The following TCN1 variants were observed in gnomAD, a reference collection of about 807,000 sequenced individuals.
The protein encoded by TCN1 is transcobalamin 1.
In TCN1, 47 loss-of-function variants were observed where a neutral mutation model predicts 46.3. That is an observed-to-expected ratio of 1.01 (90% CI 0.80 to 1.29). TCN1 has a LOEUF of 1.29. Ranked by LOEUF, TCN1 falls within the 50% of genes most tolerant of loss-of-function variation. The pLI is 0.00. For synonymous variants in TCN1, 183 were observed against 192.5 expected (o/e 0.95, Z 0.41); for missense variants, 532 against 511.0 (o/e 1.04, Z -0.40).
Position 59,863,864 on chromosome 11 carries a change from G to A in TCN1, c.259+43C>T, listed in dbSNP as rs759565417. ...ATTAGTTGCAGATAATCTTTAAATA[G>A]GTAGATTTTTTTCTAAATCTTCCAG... On this transcript the variant is annotated intron_variant, in intron 2 of 8. Coordinates refer to ENST00000257264, the MANE Select transcript of TCN1 (RefSeq NM_001062.4). 1.9e-6 allele frequency: 3 copies of A among 1,607,286 alleles called. No homozygotes were observed. The East Asian group carries it at 6.7e-5, about 36-fold the overall frequency.
At chr11:59,854,122 T>G (rs1407652935) in intron 7 of TCN1, among the ~76,000 whole-genome samples, 1 of 151,432 alleles carries the variant, frequency 6.6e-6, no homozygotes, top group Non-Finnish European at 1.5e-5. Context: ...AATTTGGCAG[T>G]GGCTCATGCC....
Position 59,866,467 on chromosome 11 carries a change from T to C in TCN1, c.4A>G (p.Arg2Gly). The C allele has an allele frequency of 2.5e-6, 4 of 1,613,390 alleles. No homozygotes were observed. Among genetic ancestry groups the C allele is most frequent in the Non-Finnish European group, 3.4e-6 (4 of 1,179,414 alleles). ...ACTAGGGGCAGCTGGTGTGACTGTC[T>C]CATCTCTCCAACAGTGTACCAGAAT... The part of the protein sequence containing the change: M[R>G]QSHQLPLVGL... The change falls in exon 1 of 9, where the codon AGA (arginine) becomes GGA (glycine). Residue 2 changes from arginine (R) to glycine (G), a missense_variant. Transcript: ENST00000257264.
At position 59,859,266 on chromosome 11, in the gene TCN1, A is replaced by G. The variant is rs1365978314; in HGVS notation, c.558T>C (p.Asp186=). Reference sequence around the variant, plus strand: ...GAGCCAGGACAGCCATTGCACCAGTATCTGTCAGGAAACAAAACATTGTTG... The same window carrying G: ...GAGCCAGGACAGCCATTGCACCAGTGTCTGTCAGGAAACAAAACATTGTTG... The part of the protein sequence containing the change: ...NYYFGSQFSV[D]TGAMAVLALT... Residue 186 remains aspartate, a splice_region_variant and synonymous_variant, in exon 5 of 9, where the codon GAT becomes GAC. Coordinates refer to ENST00000257264, the MANE Select transcript of TCN1 (RefSeq NM_001062.4). 2 of 1,613,276 alleles carry G rather than the reference A, an allele frequency of 1.2e-6. No homozygotes were observed. The highest frequency in any genetic ancestry group is 1.3e-5 in the African/African-American group (1 of 74,926).
chr11:59,859,401 G>T (rs1852994061), intron 4 of TCN1, 134 bp from the exon 5 acceptor site: 2 of 887,380 alleles, frequency 2.3e-6, no homozygotes, highest in Non-Finnish European at 3.7e-6. Flanking sequence ...GGTTGGTCAT[G>T]CTAATTGGTG....
intron 2 of TCN1, 104 bp downstream of exon 2, chr11:59,863,803 T>A: frequency 7.9e-7 from 1 of 1,272,728 alleles, no homozygotes; most frequent in Non-Finnish European, 1.1e-6. Flanking sequence ...TTAGAAGGGA[T>A]GTAGCAGGGA....
At chr11:59,861,823 A>G in intron 3 of TCN1, 141 bp from the exon 4 acceptor site, 1 of 957,752 alleles carries the variant, frequency 1.0e-6, no homozygotes, top group South Asian at 1.5e-5. Context: ...CACCCATAGA[A>G]TCAGAAAACC....
rs560651298 is a variant in TCN1 at position 59,865,294 on chromosome 11, C to G, written c.79+1098G>C. Among the ~76,000 whole-genome samples, 7 of 152,222 alleles carry G rather than the reference C, an allele frequency of 4.6e-5. No homozygotes were observed. In the South Asian group the frequency reaches 1.5e-3, roughly 32 times the overall value. On this transcript the variant is annotated intron_variant, in intron 1 of 8. Coordinates refer to ENST00000257264, the MANE Select transcript of TCN1 (RefSeq NM_001062.4). ...CCATCCAGCTCAGCAGATTTTCTGG[C>G]CCTGAAACAGACTTTTTAGTTCCTG...
chr11:59,866,237 C>T (rs1318545163), intron 1 of TCN1, among the ~76,000 whole-genome samples, 155 bp downstream of exon 1: 1 of 152,156 alleles, frequency 6.6e-6, no homozygotes, highest in African/African-American at 2.4e-5. Context: ...AGACTTTCCT[C>T]ACCATCTCCT....
At chr11:59,856,863 A>G (rs936223711) in intron 5 of TCN1, among the ~76,000 whole-genome samples, 2 of 152,190 alleles carry the variant, frequency 1.3e-5, no homozygotes, top group African/African-American at 4.8e-5. Flanking sequence ...CATTAAACAG[A>G]AACTCTCCTG....
At chr11:59,864,477 A>C (rs1265154599) in intron 1 of TCN1, among the ~76,000 whole-genome samples, 1 of 152,188 alleles carries the variant, frequency 6.6e-6, no homozygotes, top group Non-Finnish European at 1.5e-5. Context: ...CTCAGTAAGC[A>C]GGACTTTCTA....
chr11:59,863,399 T>C (rs955766682), intron 2 of TCN1, among the ~76,000 whole-genome samples: 1 of 152,122 alleles, frequency 6.6e-6, no homozygotes, highest in Non-Finnish European at 1.5e-5. Context: ...ATGTTCTGCC[T>C]TTTAGAGTAT....
intron 7 of TCN1, among the ~76,000 whole-genome samples, chr11:59,854,095 C>T (rs1219153337): frequency 6.6e-6 from 1 of 151,234 alleles, no homozygotes; most frequent in Non-Finnish European, 1.5e-5. Context: ...TCTGTGAAAC[C>T]CTCAGTTGAA....
rs758997482 is a variant in TCN1 at position 59,853,251 on chromosome 11, C to T, written c.1192G>A (p.Asp398Asn). Residue 398 changes from aspartate to asparagine, a missense_variant, in exon 8 of 9, where the codon GAC becomes AAC. Physicochemically the swap from Asp to Asn is conservative, Grantham distance 23. Coordinates refer to ENST00000257264, the MANE Select transcript of TCN1 (RefSeq NM_001062.4). Reference sequence around the variant, plus strand: ...CTCAGAAGTTCCCAGTAGGTTCTGTCATTATTGTTGGCACATAGGCCCTGA... The same window carrying T: ...CTCAGAAGTTCCCAGTAGGTTCTGTTATTATTGTTGGCACATAGGCCCTGA... ...CIQGLCANNNDRTYWELLSGG... is the reference protein window; with the variant it reads ...CIQGLCANNNNRTYWELLSGG... 2 of 1,614,128 alleles carry T rather than the reference C, an allele frequency of 1.2e-6. No individual in the cohort carries two copies. The highest frequency in any genetic ancestry group is 1.7e-5 in the Admixed American group (1 of 60,006).
Position 59,855,894 on chromosome 11 carries a change from TTTG to T in TCN1, c.909_911del (p.Asn303del), listed in dbSNP as rs773952229. On this transcript the variant is annotated inframe_deletion, in exon 6 of 9. Transcript: ENST00000257264. ...CTGAAGCAGAGACGCAAGAAGAGTCTTTGTTAATATCCAAGAAGGTCTTTCCCA... is the reference window on the plus strand; with the variant it reads ...CTGAAGCAGAGACGCAAGAAGAGTCTTTAATATCCAAGAAGGTCTTTCCCA... The T allele has an allele frequency of 7.4e-6, 12 of 1,613,766 alleles. No individual in the cohort carries two copies. The highest frequency in any genetic ancestry group is 1.0e-5 in the Non-Finnish European group (12 of 1,179,782).
chr11:59,855,724 CA>C (rs1852923584), intron 6 of TCN1, 144 bp downstream of exon 6: 1 of 877,880 alleles, frequency 1.1e-6, no homozygotes, highest in African/African-American at 1.6e-5. Flanking sequence ...ACCCTGGTAA[CA>C]TGAGGAAAAC....
intron 8 of TCN1, 72 bp from the exon 9 acceptor site, chr11:59,853,108 T>C: frequency 1.9e-6 from 3 of 1,598,528 alleles, no homozygotes; most frequent in South Asian, 2.2e-5. Flanking sequence ...GGATGTCATC[T>C]CTACTAACCC....
intron 5 of TCN1, among the ~76,000 whole-genome samples, chr11:59,858,389 G>A (rs1015565689): frequency 6.6e-6 from 1 of 152,214 alleles, no homozygotes; most frequent in African/African-American, 2.4e-5. Flanking sequence ...GACCTTGGGT[G>A]ACTGAAACTG....
Position 59,856,033 on chromosome 11 carries a change from T to C in TCN1, c.773A>G (p.Tyr258Cys). 2 of 1,389,838 alleles carry C rather than the reference T, an allele frequency of 1.4e-6. No homozygotes were observed. The highest frequency in any genetic ancestry group is 1.9e-6 in the Non-Finnish European group (2 of 1,051,304). 86.1% of individuals were successfully genotyped at this position (1,389,838 alleles called of 1,614,324 possible). Reference sequence around the variant, plus strand: ...TTGGCAATTCCAGTCATTTTCATTATAATAGTCTGATGATACAAAGAGGGC... The same window carrying C: ...TTGGCAATTCCAGTCATTTTCATTACAATAGTCTGATGATACAAAGAGGGC... ...MQALFVSSDY[Y>C]NENDWNCQQT... Residue 258 changes from tyrosine (Y) to cysteine (C), a missense_variant, in exon 6 of 9, where the codon TAT (tyrosine) becomes TGT (cysteine). By Grantham distance (194) the Tyr-to-Cys change is radical. Coordinates refer to ENST00000257264, the MANE Select transcript of TCN1 (RefSeq NM_001062.4).
In TCN1 at chr11:59,853,016, G is replaced by C; in HGVS notation, c.1261C>G (p.Arg421Gly). 1.9e-6 allele frequency: 3 copies of C among 1,614,080 alleles called. No individual in the cohort carries two copies. The highest frequency in any genetic ancestry group is 2.5e-6 in the Non-Finnish European group (3 of 1,179,998). Residue 421 changes from arginine (R) to glycine (G), a missense_variant, in exon 9 of 9, where the codon CGC becomes GGC. Physicochemically the swap from Arg to Gly is moderately radical, Grantham distance 125. Transcript: ENST00000257264. ...LSQGAGSYVVRNGENLEVRWS... is the reference protein window; with the variant it reads ...LSQGAGSYVVGNGENLEVRWS... ...CGAACCTCCAAGTTTTCTCCATTGC[G>C]GACAACGTAACTACCAGCTCCTGAA...
Sources: gnomAD v4.1 joint callset for allele counts (sites outside exome capture counted in the v4.1 genomes callset) on GRCh38, gnomAD v4.1.1 for gene constraint, MANE v1.5 for transcripts, NCBI Gene and HGNC (gene_info 2026-07-23, HGNC 2026-07-21) for gene names.